PCNT: variants seen among roughly 807,000 people sequenced by gnomAD.
The protein encoded by PCNT is pericentrin, also known as kendrin.
In PCNT, 319 loss-of-function variants were observed where a neutral mutation model predicts 380.4. The observed-to-expected ratio is 0.84, with a 90% CI of 0.77 to 0.92. PCNT has a LOEUF of 0.92. PCNT is among the 40% of genes least tolerant of loss of function. The pLI is 0.00. For synonymous variants in PCNT, 1,845 were observed against 1,735.2 expected, an observed-to-expected ratio of 1.06 and a Z score of -1.57; for missense variants, 4,400 against 4,255.3, an observed-to-expected ratio of 1.03 and a Z score of -0.95.
chr21:46,357,660 C>G (rs1454472961), intron 13 of PCNT, among the ~76,000 whole-genome samples: 1 of 152,174 alleles, frequency 6.6e-6, no homozygotes, highest in Non-Finnish European at 1.5e-5. Context: ...AACGCCTGAC[C>G]TCAAGTGATC....
intron 15 of PCNT, among the ~76,000 whole-genome samples, chr21:46,378,213 G>A (rs1425994432): frequency 2.0e-5 from 3 of 152,116 alleles, no homozygotes; most frequent in Admixed American, 1.3e-4. Flanking sequence ...AATCGTGAAT[G>A]GTTCTGAACC....
At position 46,391,256 on chromosome 21, in the gene PCNT, G is replaced by C. The variant is rs1323043278; in HGVS notation, c.4096G>C (p.Glu1366Gln). Residue 1366 changes from glutamate (E) to glutamine (Q), a missense_variant, in exon 21 of 47, where the codon GAG (glutamate) becomes CAG (glutamine). Transcript: ENST00000359568. Reference sequence around the variant, plus strand: ...CGAGCACCGTCTGGTGCTGGAGCTGGAGAGCCTGAGACGGCAGCTGCAGCA... The same window carrying C: ...CGAGCACCGTCTGGTGCTGGAGCTGCAGAGCCTGAGACGGCAGCTGCAGCA... ...DSEHRLVLEL[E>Q]SLRRQLQQAA... 1 of 1,602,010 alleles carries C rather than the reference G, an allele frequency of 6.2e-7. No individual in the cohort carries two copies. The highest frequency in any genetic ancestry group is 8.5e-7 in the Non-Finnish European group (1 of 1,174,696).
rs1423413688 is a variant in PCNT at position 46,445,615 on chromosome 21, A to G, written c.*288A>G. On this transcript the variant is annotated 3_prime_UTR_variant, in exon 47 of 47. Coordinates refer to ENST00000359568, the MANE Select transcript of PCNT (RefSeq NM_006031.6). The stretch of plus-strand genomic sequence containing the variant: ...TGTGCTGTTGTGTGCCTATCGGCAG[A>G]TCCATCCTTCCTGCCTCCAAGGAGG... The G allele has an allele frequency of 1.5e-5, 7 of 453,052 alleles. No individual in the cohort carries two copies. In the East Asian group the frequency reaches 1.9e-4, roughly 12 times the overall value. The allele number at this position is 453,052 out of a possible 1,614,324, so 28.1% of individuals were successfully genotyped here.
chr21:46,415,724 C>T (rs2087001232), intron 29 of PCNT, among the ~76,000 whole-genome samples: 1 of 152,158 alleles, frequency 6.6e-6, no homozygotes, highest in South Asian at 2.1e-4. Context: ...CCCTGCCTGC[C>T]AAATTCTTAG....
In PCNT at chr21:46,440,211, G is replaced by C; in HGVS notation, c.9393+9G>C. Reference sequence around the variant, plus strand: ...ACACCAGCAATGTCAAGGTAGGAACGGTGCCACGAGTATAGAACTTTGGTG... The same window carrying C: ...ACACCAGCAATGTCAAGGTAGGAACCGTGCCACGAGTATAGAACTTTGGTG... On this transcript the variant is annotated intron_variant, in intron 42 of 46. Coordinates refer to ENST00000359568, the MANE Select transcript of PCNT (RefSeq NM_006031.6). 6.2e-7 allele frequency: 1 copy of C among 1,613,868 alleles called. No individual in the cohort carries two copies. Among genetic ancestry groups the C allele is most frequent in the African/African-American group, 1.3e-5 (1 of 75,048 alleles).
chr21:46,440,283 G>C (rs1337299719), intron 42 of PCNT, 81 bp downstream of exon 42: 1 of 1,492,094 alleles, frequency 6.7e-7, no homozygotes, highest in Non-Finnish European at 9.3e-7. Context: ...GCATTTTTGT[G>C]ACCACAAGGT....
chr21:46,334,873 C>G, intron 3 of PCNT, 105 bp downstream of exon 3: 1 of 1,552,390 alleles, frequency 6.4e-7, no homozygotes, highest in Non-Finnish European at 8.8e-7. Context: ...CAGGGCCTCT[C>G]TTTAGAAGTG....
chr21:46,399,500 G>A (rs922901861), intron 24 of PCNT, 90 bp from the exon 25 acceptor site: 1 of 954,890 alleles, frequency 1.0e-6, no homozygotes, highest in African/African-American at 1.6e-5. Context: ...CATCTATTTT[G>A]TCTCTGTTGT....
intron 15 of PCNT, among the ~76,000 whole-genome samples, chr21:46,381,079 A>T (rs1397976118): frequency 6.6e-6 from 1 of 151,308 alleles, no homozygotes; most frequent in Non-Finnish European, 1.5e-5. Context: ...CGGGAGACTG[A>T]GGCAAGAGAA....
At chr21:46,345,248 C>T (rs561635620) in intron 3 of PCNT, among the ~76,000 whole-genome samples, 1 of 152,202 alleles carries the variant, frequency 6.6e-6, no homozygotes, top group South Asian at 2.1e-4. Context: ...GGTGGAGTCT[C>T]GCTCTGTTGC....
chr21:46,445,426 T>TGC lies in PCNT; in HGVS notation c.*99_*100insGC. 2 of 923,582 alleles carry TGC rather than the reference T, an allele frequency of 2.2e-6. No individual in the cohort carries two copies. The highest frequency in any genetic ancestry group is 1.3e-5 in the South Asian group (1 of 77,158). 57.2% of individuals were successfully genotyped at this position (923,582 alleles called of 1,614,324 possible). Reference sequence around the variant, plus strand: ...GCTCGTGGGACAGCATGGGCACTACTCTTCATGTGCGGTGACACCAGCCCC... The same window carrying TGC: ...GCTCGTGGGACAGCATGGGCACTACTGCCTTCATGTGCGGTGACACCAGCCCC... On this transcript the variant is annotated 3_prime_UTR_variant, in exon 47 of 47. Coordinates refer to ENST00000359568, the MANE Select transcript of PCNT (RefSeq NM_006031.6).
rs548641848 is a variant in PCNT, at chr21:46,383,702, G to A, written c.3312+1862G>A. The stretch of plus-strand genomic sequence containing the variant: ...GTGTTGTGTATTCAGTGGCGGAAGC[G>A]CATTCACAGTGTTGTATATTCAGTG... On this transcript the variant is annotated intron_variant, in intron 16 of 46. Transcript: ENST00000359568. 4.7e-4 allele frequency among the ~76,000 whole-genome samples: 68 copies of A among 144,614 alleles called. 5 individuals are homozygous for A. The highest frequency in any genetic ancestry group is 7.6e-4 in the Non-Finnish European group (50 of 66,154). The allele number at this position is 144,614 out of a possible 152,430, so 94.9% of individuals were successfully genotyped here. A position where few individuals can be genotyped will look rare whatever the true frequency, so the allele number is the denominator to read the frequency against.
rs751457010 is a variant in PCNT at position 46,442,497 on chromosome 21, A to C, written c.9624A>C (p.Arg3208Ser). The change falls in exon 44 of 47, where the codon AGA becomes AGC. Residue 3208 changes from arginine to serine, a missense_variant and splice_region_variant. Transcript: ENST00000359568. Reference protein sequence around the residue: ...TAVRVVIAILRLRFLVKKWQE... With the variant: ...TAVRVVIAILSLRFLVKKWQE... ...TGTGTCTTGTCTCTTTTTTTTGTAGATTACGTTTTTTGGTTAAGAAATGGC... is the reference window on the plus strand; with the variant it reads ...TGTGTCTTGTCTCTTTTTTTTGTAGCTTACGTTTTTTGGTTAAGAAATGGC... 15 of 1,595,964 alleles carry C rather than the reference A, an allele frequency of 9.4e-6. No individual in the cohort carries two copies. The African/African-American group carries it at 2.0e-4, about 22-fold the overall frequency.
At chr21:46,410,140 G>A (rs1024149650) in intron 27 of PCNT, among the ~76,000 whole-genome samples, 4 of 152,238 alleles carry the variant, frequency 2.6e-5, no homozygotes, top group African/African-American at 7.2e-5. Flanking sequence ...AGTAAGGCAC[G>A]CGACGGGGAG....
chr21:46,428,698 T>G (rs571380869), intron 35 of PCNT, 108 bp downstream of exon 35: 1 of 994,434 alleles, frequency 1.0e-6, no homozygotes, highest in Admixed American at 2.0e-5. Flanking sequence ...CATCATCTAG[T>G]CAAGCCCCTG....
At chr21:46,326,671 G>GTAAA in intron 2 of PCNT, 82 bp downstream of exon 2, 1 of 1,451,004 alleles carries the variant, frequency 6.9e-7, no homozygotes, top group Non-Finnish European at 9.7e-7. Context: ...ATGGTCTTTG[G>GTAAA]TCTGTTTTTG....
At chr21:46,345,699 T>C (rs1026284701) in intron 3 of PCNT, among the ~76,000 whole-genome samples, 78 of 152,328 alleles carry the variant, frequency 5.1e-4, no homozygotes, top group African/African-American at 1.8e-3. Context: ...GACATCATCA[T>C]CACCCCAGAA....
At chr21:46,436,899 A>G (rs2053473716) in intron 39 of PCNT, 80 bp from the exon 40 acceptor site, 1 of 1,009,304 alleles carries the variant, frequency 9.9e-7, no homozygotes, top group Admixed American at 1.7e-5. Context: ...GTCTCTCTTG[A>G]GCCGTGAGCT....
At chr21:46,382,724 C>A (rs1273975544) in intron 16 of PCNT, among the ~76,000 whole-genome samples, 1 of 141,056 alleles carries the variant, frequency 7.1e-6, no homozygotes, top group Non-Finnish European at 1.5e-5. Context: ...GTGGCGGAAG[C>A]GCATTCACAG....
Sources: allele counts gnomAD v4.1 joint callset (sites outside exome capture counted in the v4.1 genomes callset), GRCh38; gene constraint gnomAD v4.1.1; transcripts MANE v1.5; gene names NCBI Gene and HGNC (gene_info 2026-07-23, HGNC 2026-07-21).